Variants in CIT observed in about 807,000 individuals in gnomAD.
CIT encodes the protein citron rho-interacting serine/threonine kinase.
A neutral mutation model predicts 272.7 loss-of-function variants in CIT; 79 were observed. The observed-to-expected ratio is 0.29, with a 90% confidence interval of 0.24 to 0.35. The LOEUF is 0.35. CIT is among the 10% of genes least tolerant of loss of function. CIT has a pLI of 1.00. For synonymous variants in CIT, 948 were observed against 995.6 expected (o/e 0.95, Z 0.90); for missense variants, 1,909 against 2,618.3 (o/e 0.73, Z 5.91).
intron 4 of CIT, among the ~76,000 whole-genome samples, chr12:119,851,795 G>A (rs1442554896): frequency 1.3e-5 from 2 of 152,198 alleles, no homozygotes; most frequent in Admixed American, 6.5e-5. Flanking sequence ...CCAGCACTTC[G>A]GGAGGCCAAG....
intron 3 of CIT, among the ~76,000 whole-genome samples, chr12:119,861,977 T>C (rs1950351795): frequency 6.6e-6 from 1 of 151,582 alleles, no homozygotes; most frequent in African/African-American, 2.4e-5. Context: ...GGGAGTTTTC[T>C]CTGGTTGGTT....
chr12:119,804,492 G>A lies in CIT; in HGVS notation c.1112-1103C>T, dbSNP rs1966477030. Reference sequence around the variant, plus strand: ...GCCAGGGGCCAGTGCTGATCCCAGTGACAGAGCAGCATGAGTCACTGCCCG... The same window carrying A: ...GCCAGGGGCCAGTGCTGATCCCAGTAACAGAGCAGCATGAGTCACTGCCCG... On this transcript the variant is annotated intron_variant, in intron 9 of 47. Transcript: ENST00000392521. The surrounding 1 kb of genome is among the most constrained non-coding windows in gnomAD (Gnocchi z 5.3). 1.0e-6 allele frequency: 1 copy of A among 985,564 alleles called. No individual in the cohort carries two copies. Among genetic ancestry groups the A allele is most frequent in the African/African-American group, 1.7e-5 (1 of 57,386 alleles). The allele number at this position is 985,564 out of a possible 1,614,324, so 61.1% of individuals were successfully genotyped here.
intron 47 of CIT, among the ~76,000 whole-genome samples, chr12:119,689,700 C>CA (rs1382531400): frequency 1.3e-5 from 1 of 77,308 alleles, no homozygotes; most frequent in East Asian, 4.0e-4. Context: ...TTTTTTAAGA[C>CA]AGAGTCTCGC....
intron 8 of CIT, 36 bp downstream of exon 8, chr12:119,825,129 T>A: frequency 6.3e-7 from 1 of 1,577,190 alleles, no homozygotes; most frequent in Non-Finnish European, 8.7e-7. Flanking sequence ...ATAACGTTTC[T>A]CAATGTGACT....
At chr12:119,798,928 T>C (rs1211476803) in intron 10 of CIT, among the ~76,000 whole-genome samples, 1 of 152,262 alleles carries the variant, frequency 6.6e-6, no homozygotes, top group Non-Finnish European at 1.5e-5. Flanking sequence ...TTACTTTCTC[T>C]CAGTTGTTTC....
intron 10 of CIT, among the ~76,000 whole-genome samples, chr12:119,796,012 G>C (rs1252223073): frequency 6.6e-6 from 1 of 152,342 alleles, no homozygotes; most frequent in East Asian, 1.9e-4. Flanking sequence ...CAGGGGCAAG[G>C]CACTGTTTCA....
At chr12:119,786,129 C>T (rs1206665879) in intron 10 of CIT, among the ~76,000 whole-genome samples, 2 of 151,870 alleles carry the variant, frequency 1.3e-5, no homozygotes, top group Non-Finnish European at 1.5e-5. Flanking sequence ...TGAGCAGATA[C>T]GATTTATTAT....
chr12:119,735,517 T>C (rs1320202073), intron 24 of CIT, among the ~76,000 whole-genome samples, 160 bp from the exon 25 acceptor site: 1 of 152,192 alleles, frequency 6.6e-6, no homozygotes, highest in Non-Finnish European at 1.5e-5. Flanking sequence ...CAAGCTCCTA[T>C]GCCCAGCCAC....
At chr12:119,698,560 G>A (rs375776857) in intron 44 of CIT, among the ~76,000 whole-genome samples, 4 of 147,982 alleles carry the variant, frequency 2.7e-5, no homozygotes, top group East Asian at 4.0e-4. Context: ...ACTGCACTCC[G>A]ACCTGGGCAA....
Position 119,803,267 on chromosome 12 carries a change from C to G in CIT, c.1234G>C (p.Glu412Gln). The G allele has an allele frequency of 6.2e-7, 1 of 1,607,690 alleles. No individual in the cohort carries two copies. The highest frequency in any genetic ancestry group is 1.1e-5 in the South Asian group (1 of 90,574). The change falls in exon 10 of 48, where the codon GAA (glutamate) becomes CAA (glutamine). Residue 412 changes from glutamate (E) to glutamine (Q), a missense_variant. Glu to Gln is a conservative substitution (Grantham distance 29). Transcript: ENST00000392521. ...CQLSPSGFSG[E>Q]ELPFVGFSYS... Reference sequence around the variant, plus strand: ...GAAAACCCCACAAACGGCAGTTCTTCACCCGAGAAGCCTGAGGGGCTCAGC... The same window carrying G: ...GAAAACCCCACAAACGGCAGTTCTTGACCCGAGAAGCCTGAGGGGCTCAGC...
At chr12:119,705,322 T>A (rs1205025302) in intron 40 of CIT, among the ~76,000 whole-genome samples, 2 of 152,170 alleles carry the variant, frequency 1.3e-5, no homozygotes, top group Non-Finnish European at 2.9e-5. Flanking sequence ...TGAAACCCTT[T>A]TAACGTCTCC....
At chr12:119,838,847 G>A (rs866806845) in intron 5 of CIT, among the ~76,000 whole-genome samples, 7 of 152,136 alleles carry the variant, frequency 4.6e-5, no homozygotes, top group Admixed American at 6.5e-5. Context: ...CACACAATGA[G>A]CAGCTGCAGG....
rs149156181 is a variant in CIT, at chr12:119,733,362, T to C, written c.3350+802A>G. Among the ~76,000 whole-genome samples the C allele has an allele frequency of 3.1e-3, 466 of 151,758 alleles. 3 individuals are homozygous for C. Among genetic ancestry groups the C allele is most frequent in the African/African-American group, 0.011 (438 of 41,372 alleles). ...CTGGCCAACACGGTGAAACCCCGTC[T>C]CTACAAAAATACAAAAAAAAAATTA... On this transcript the variant is annotated intron_variant, in intron 26 of 47. Transcript: ENST00000392521.
At chr12:119,777,734 C>T (rs1317866989) in intron 13 of CIT, among the ~76,000 whole-genome samples, 1 of 151,654 alleles carries the variant, frequency 6.6e-6, no homozygotes, top group East Asian at 1.9e-4. Context: ...AGCAAAACCA[C>T]CGGGAACACA....
At chr12:119,834,015 T>C (rs1968827274) in intron 6 of CIT, 71 bp downstream of exon 6, 6 of 1,456,180 alleles carry the variant, frequency 4.1e-6, no homozygotes, top group Non-Finnish European at 4.7e-6. Context: ...CATCCACTCA[T>C]TTCCATGCAG....
intron 22 of CIT, among the ~76,000 whole-genome samples, chr12:119,755,226 G>C (rs1330723609): frequency 6.6e-6 from 1 of 151,994 alleles, no homozygotes; most frequent in Non-Finnish European, 1.5e-5. Context: ...GACCAGCCTG[G>C]GCAACATAGC....
At chr12:119,814,451 T>C (rs1389215428) in intron 9 of CIT, among the ~76,000 whole-genome samples, 1 of 152,168 alleles carries the variant, frequency 6.6e-6, no homozygotes, top group Admixed American at 6.5e-5. Context: ...GTCTAGTAAG[T>C]TGAATTTCTA....
intron 9 of CIT, among the ~76,000 whole-genome samples, chr12:119,820,441 C>T (rs944892441): frequency 6.6e-6 from 1 of 152,058 alleles, no homozygotes; most frequent in Non-Finnish European, 1.5e-5. Context: ...GTCCCAGCTA[C>T]TCGGAGGCTG....
rs1955845065 is a variant in CIT, at chr12:119,690,028, C to T, written c.6186+123G>A. 1.0e-6 allele frequency: 1 copy of T among 964,386 alleles called. No homozygotes were observed. 59.7% of individuals were successfully genotyped at this position (964,386 alleles called of 1,614,324 possible). On this transcript the variant is annotated intron_variant, in intron 47 of 47. Transcript: ENST00000392521. This position sits in a 1 kb window ranked among gnomAD's most constrained non-coding sequence, Gnocchi z 6.0. ...TTTCTTCCTAAATTCCTGTGTCTCG[C>T]AAAGTCTGAATTACAGTCATGGAGT...
Sources: allele counts gnomAD v4.1 joint callset (sites outside exome capture counted in the v4.1 genomes callset), GRCh38; gene constraint gnomAD v4.1.1; non-coding constraint Gnocchi (gnomAD v3.1); transcripts MANE v1.5; gene names NCBI Gene and HGNC (gene_info 2026-07-23, HGNC 2026-07-21).